Variants in RALGPS1 observed in about 807,000 individuals in gnomAD.
RALGPS1 encodes Ral GEF with PH domain and SH3 binding motif 1.
Under a neutral mutation model 78.8 loss-of-function variants are expected in RALGPS1, and 19 were observed. The observed-to-expected ratio is 0.24, with a 90% CI of 0.17 to 0.35. The LOEUF (loss-of-function observed/expected upper bound fraction) is 0.35. RALGPS1 is among the 10% of genes least tolerant of loss of function. The pLI is 1.00. For synonymous variants in RALGPS1, 228 were observed against 256.3 expected, an observed-to-expected ratio of 0.89 and a Z score of 1.06; for missense variants, 454 against 688.3, an observed-to-expected ratio of 0.66 and a Z score of 3.81.
At position 126,992,598 on chromosome 9, in the gene RALGPS1, A is replaced by G. The variant is rs77354717; in HGVS notation, c.216+14853A>G. ...GTGATTGTGTTGAATCTGTAGATCC[A>G]TTTGGGGAGAATTGACATTTTAATG... is the stretch of plus-strand genomic sequence containing the variant. On this transcript the variant is annotated intron_variant, in intron 4 of 18. Transcript: ENST00000259351. Among the ~76,000 whole-genome samples, 57 of 152,348 alleles carry G rather than the reference A, an allele frequency of 3.7e-4. No homozygotes were observed. The East Asian group carries it at 9.6e-3, about 26-fold the overall frequency.
intron 4 of RALGPS1, among the ~76,000 whole-genome samples, chr9:127,001,739 C>G (rs959263817): frequency 6.6e-6 from 1 of 152,056 alleles, no homozygotes; most frequent in Admixed American, 6.5e-5. Flanking sequence ...TAAAAATTAG[C>G]TGGGCGTGGA....
intron 13 of RALGPS1, among the ~76,000 whole-genome samples, chr9:127,198,126 A>G (rs935512509): frequency 6.6e-6 from 1 of 152,186 alleles, no homozygotes; most frequent in Admixed American, 6.5e-5. Context: ...CGGCTCCTCA[A>G]GTTGGGGAAT....
chr9:127,209,827 G>A (rs556377930), intron 14 of RALGPS1, among the ~76,000 whole-genome samples: 4 of 152,326 alleles, frequency 2.6e-5, no homozygotes, highest in South Asian at 4.1e-4. Context: ...ACAGAGCAAC[G>A]GCTGACCATG....
rs1290216301 is a variant in RALGPS1 at position 127,174,566 on chromosome 9, C to G, written c.843-149C>G. ...ATTGTTTCTTGGCTGTGGAAACCCC[C>G]GGAGACCTCAGAGGGAAGTGACTGT... On this transcript the variant is annotated intron_variant, in intron 10 of 18. Coordinates refer to ENST00000259351, the MANE Select transcript of RALGPS1 (RefSeq NM_014636.3). The G allele has an allele frequency of 2.6e-5, 19 of 717,340 alleles. No homozygotes were observed. The East Asian group carries it at 4.3e-4, about 16-fold the overall frequency. The allele number at this position is 717,340 out of a possible 1,614,324, so 44.4% of individuals were successfully genotyped here.
intron 4 of RALGPS1, among the ~76,000 whole-genome samples, chr9:126,987,921 G>T (rs927979574): frequency 6.6e-6 from 1 of 152,100 alleles, no homozygotes; most frequent in Admixed American, 6.6e-5. Flanking sequence ...GTGAGGATGG[G>T]CAGAAGGCAA....
chr9:127,087,642 C>T (rs1416471709), intron 8 of RALGPS1: 2 of 152,366 alleles, frequency 1.3e-5, no homozygotes. Context: ...CAACAGGACT[C>T]AGAAAGCCAC....
At chr9:126,941,358 A>C (rs937058777) in intron 1 of RALGPS1, among the ~76,000 whole-genome samples, 1 of 152,162 alleles carries the variant, frequency 6.6e-6, no homozygotes, top group Non-Finnish European at 1.5e-5. Context: ...GAGGTGACAG[A>C]TATTCCATTT....
chr9:126,993,672 A>C (rs1368360432), intron 4 of RALGPS1, among the ~76,000 whole-genome samples: 1 of 152,078 alleles, frequency 6.6e-6, no homozygotes, highest in Admixed American at 6.6e-5. Context: ...CTGAGCTTTG[A>C]AGAGAGTAGT....
chr9:126,982,544 C>T (rs1053345704), intron 4 of RALGPS1, among the ~76,000 whole-genome samples: 17 of 152,298 alleles, frequency 1.1e-4, no homozygotes, highest in Admixed American at 7.2e-4. Context: ...GCATACCAGG[C>T]ATTGTGTTGA....
chr9:127,184,111 A>T (rs1164582182), intron 11 of RALGPS1: 1 of 1,483,562 alleles, frequency 6.7e-7, no homozygotes, highest in African/African-American at 1.4e-5. Context: ...GGATCACTTG[A>T]GCCCAGGAGT....
chr9:127,000,932 G>T (rs2043238801), intron 4 of RALGPS1, among the ~76,000 whole-genome samples: 1 of 151,384 alleles, frequency 6.6e-6, no homozygotes, highest in African/African-American at 2.4e-5. Context: ...GAGACTAGTG[G>T]CTAAGAATAT....
chr9:127,142,930 G>T (rs1479472014), intron 8 of RALGPS1, among the ~76,000 whole-genome samples: 1 of 152,160 alleles, frequency 6.6e-6, no homozygotes, highest in Non-Finnish European at 1.5e-5. Flanking sequence ...GTAGTATGTG[G>T]AAACTACCTC....
rs1198137416 is a variant in RALGPS1, at chr9:127,222,712, T to C, written c.*3943T>C. 1.0e-4 allele frequency: 16 copies of C among 152,684 alleles called. No individual in the cohort carries two copies. Among genetic ancestry groups the C allele is most frequent in the Admixed American group, 1.0e-3 (16 of 15,290 alleles). 9.5% of individuals were successfully genotyped at this position (152,684 alleles called of 1,614,324 possible). A position where few individuals can be genotyped will look rare whatever the true frequency, so the allele number is the denominator to read the frequency against. On this transcript the variant is annotated 3_prime_UTR_variant, in exon 19 of 19. Transcript: ENST00000259351. ...CTGTGACTATTCAGTAACGAAGTAA[T>C]AGTAATTAATTAGTATGGTATAATC...
chr9:127,094,038 G>A, intron 8 of RALGPS1: 1 of 1,253,942 alleles, frequency 8.0e-7, no homozygotes, highest in Non-Finnish European at 1.1e-6. Context: ...GGGAGCCACA[G>A]GCCCACGGTC....
intron 4 of RALGPS1, 21 bp downstream of exon 4, chr9:126,977,766 C>T (rs778555479): frequency 1.3e-6 from 2 of 1,555,180 alleles, no homozygotes; most frequent in Non-Finnish European, 1.8e-6. Context: ...TGTCTTTCTA[C>T]TCTTCTATTC....
chr9:127,173,193 G>T (rs35901201), intron 10 of RALGPS1, among the ~76,000 whole-genome samples: 1 of 152,142 alleles, frequency 6.6e-6, no homozygotes, highest in Non-Finnish European at 1.5e-5. Context: ...CCTTCACCTC[G>T]TTGGGGAGCT....
intron 8 of RALGPS1, among the ~76,000 whole-genome samples, chr9:127,145,917 T>C (rs2058068293): frequency 6.6e-6 from 1 of 152,242 alleles, no homozygotes; most frequent in South Asian, 2.1e-4. Flanking sequence ...TATTATTCCA[T>C]TTTAATTAAG....
intron 8 of RALGPS1, among the ~76,000 whole-genome samples, chr9:127,082,065 G>C (rs150080618): frequency 6.6e-5 from 10 of 152,342 alleles, no homozygotes; most frequent in Non-Finnish European, 1.5e-4. Flanking sequence ...CTGACTCTGA[G>C]GTTTGAGAGA....
rs80002724 is a variant in RALGPS1 at position 127,142,635 on chromosome 9, C to T, written c.611-23434C>T. On this transcript the variant is annotated intron_variant, in intron 8 of 18. Transcript: ENST00000259351. ...ATAAGACCCTGGAATCACAGCAGGACCACAAACATTTTACTTGCTGCTGGC... is the reference window on the plus strand; with the variant it reads ...ATAAGACCCTGGAATCACAGCAGGATCACAAACATTTTACTTGCTGCTGGC... 5.0e-3 allele frequency among the ~76,000 whole-genome samples: 766 copies of T among 152,246 alleles called. 5 individuals are homozygous for T. The highest frequency in any genetic ancestry group is 0.017 in the African/African-American group (718 of 41,542).
Sources: gnomAD v4.1 joint callset for allele counts (sites outside exome capture counted in the v4.1 genomes callset) on GRCh38, gnomAD v4.1.1 for gene constraint, MANE v1.5 for transcripts, NCBI Gene and HGNC (gene_info 2026-07-23, HGNC 2026-07-21) for gene names.